Variants in CDK14 observed in about 807,000 individuals in gnomAD.
The protein encoded by CDK14 is cyclin-dependent kinase 14.
In CDK14, 34 loss-of-function variants were observed where a neutral mutation model predicts 60.7. That is an observed-to-expected ratio of 0.56 (90% CI 0.43 to 0.75). The LOEUF (loss-of-function observed/expected upper bound fraction) is 0.75, where lower values mean the gene tolerates loss of function less well. CDK14 is among the 30% of genes least tolerant of loss of function. CDK14 has a pLI of 0.00. For missense variants in CDK14, 482 were observed against 564.1 expected, an observed-to-expected ratio of 0.85 and a Z score of 1.47; for synonymous variants, 197 against 203.7, an observed-to-expected ratio of 0.97 and a Z score of 0.28.
At chr7:91,037,428 C>T (rs745765356) in intron 10 of CDK14, among the ~76,000 whole-genome samples, 29 of 152,096 alleles carry the variant, frequency 1.9e-4, no homozygotes, top group Admixed American at 2.6e-4. Flanking sequence ...TGTGTGCGCG[C>T]GCATGTGTGT....
intron 5 of CDK14, among the ~76,000 whole-genome samples, chr7:90,803,214 T>C (rs1387520563): frequency 6.6e-6 from 1 of 152,052 alleles, no homozygotes; most frequent in Non-Finnish European, 1.5e-5. Flanking sequence ...CCTGGAAGAT[T>C]TCAGTTTGCT....
intron 2 of CDK14, among the ~76,000 whole-genome samples, chr7:90,714,073 A>G (rs1246968853): frequency 1.3e-5 from 2 of 152,090 alleles, no homozygotes; most frequent in East Asian, 1.9e-4. Flanking sequence ...ATCTTGCCCA[A>G]GATCCTTCTG....
At chr7:90,787,925 A>G (rs961299027) in intron 4 of CDK14, among the ~76,000 whole-genome samples, 3 of 152,172 alleles carry the variant, frequency 2.0e-5, no homozygotes, top group Middle Eastern at 3.2e-3. Flanking sequence ...GAAATTACTT[A>G]GGGGGAATCC....
rs7795534 is a variant in CDK14 at position 90,961,885 on chromosome 7, G to T, written c.947+6068G>T. Among the ~76,000 whole-genome samples the T allele has an allele frequency of 9.9e-3, 1,503 of 152,322 alleles. 24 individuals are homozygous for T. The highest frequency in any genetic ancestry group is 0.033 in the African/African-American group (1,380 of 41,556). On this transcript the variant is annotated intron_variant, in intron 9 of 14. Transcript: ENST00000380050. ...GTTAATAATTCTGCCAGGATAATAG[G>T]TGTAAAACAGAGATAATTGTGACAT...
At chr7:90,785,395 T>C (rs759977163) in intron 4 of CDK14, among the ~76,000 whole-genome samples, 39 of 152,240 alleles carry the variant, frequency 2.6e-4, no homozygotes, top group Admixed American at 1.0e-3. Flanking sequence ...GAAGTTCTCT[T>C]TAAGCATCAT....
chr7:91,122,019 G>T (rs1455541856), intron 14 of CDK14, among the ~76,000 whole-genome samples: 1 of 152,102 alleles, frequency 6.6e-6, no homozygotes, highest in Non-Finnish European at 1.5e-5. Context: ...AAATATAAGG[G>T]ATAAGAAAGG....
At chr7:90,796,028 A>T (rs920085500) in intron 5 of CDK14, among the ~76,000 whole-genome samples, 4 of 152,168 alleles carry the variant, frequency 2.6e-5, no homozygotes, top group Non-Finnish European at 5.9e-5. Flanking sequence ...AGCTTCTGGG[A>T]AACACAGAGA....
intron 11 of CDK14, among the ~76,000 whole-genome samples, chr7:91,058,888 G>A (rs182385155): frequency 6.6e-5 from 10 of 152,202 alleles, no homozygotes; most frequent in African/African-American, 1.2e-4. Flanking sequence ...GTCTCTGCCC[G>A]GCTTTGGTAT....
At chr7:90,784,229 G>A (rs982825332) in intron 4 of CDK14, among the ~76,000 whole-genome samples, 1 of 152,146 alleles carries the variant, frequency 6.6e-6, no homozygotes, top group African/African-American at 2.4e-5. Context: ...TTGTTCTCAT[G>A]GAGGTAGAGT....
intron 10 of CDK14, among the ~76,000 whole-genome samples, chr7:91,012,916 A>G (rs528004502): frequency 6.6e-6 from 1 of 152,360 alleles, no homozygotes; most frequent in African/African-American, 2.4e-5. Flanking sequence ...AACGTTAAGT[A>G]GGAAATGTCA....
At chr7:91,058,793 G>A (rs966502789) in intron 11 of CDK14, among the ~76,000 whole-genome samples, 1 of 152,182 alleles carries the variant, frequency 6.6e-6, no homozygotes, top group Non-Finnish European at 1.5e-5. Flanking sequence ...ATGTGCTGCT[G>A]GATTCAGTTT....
chr7:90,714,562 C>G (rs1354493800), intron 2 of CDK14, among the ~76,000 whole-genome samples: 2 of 152,060 alleles, frequency 1.3e-5, no homozygotes, highest in Non-Finnish European at 2.9e-5. Context: ...GTTAAAGCAA[C>G]ATTGAAAGAT....
At chr7:90,841,424 T>G (rs932050928) in intron 5 of CDK14, among the ~76,000 whole-genome samples, 1 of 151,532 alleles carries the variant, frequency 6.6e-6, no homozygotes, top group East Asian at 1.9e-4. Flanking sequence ...AACTTTCTGC[T>G]TACTTTTTTT....
At chr7:90,773,967 G>A (rs1311460368) in intron 4 of CDK14, among the ~76,000 whole-genome samples, 1 of 138,734 alleles carries the variant, frequency 7.2e-6, no homozygotes, top group East Asian at 2.3e-4. Context: ...GCAGTTGTGC[G>A]ATCCCAGCTC....
intron 6 of CDK14, among the ~76,000 whole-genome samples, chr7:90,889,077 C>G (rs1202473874): frequency 6.6e-6 from 1 of 152,156 alleles, no homozygotes; most frequent in Admixed American, 6.5e-5. Context: ...CATCCCAAAA[C>G]TATACACTGA....
At chr7:90,894,468 T>A (rs899916371) in intron 6 of CDK14, among the ~76,000 whole-genome samples, 4 of 152,230 alleles carry the variant, frequency 2.6e-5, no homozygotes, top group Non-Finnish European at 5.9e-5. Context: ...TTTAAAGGTT[T>A]AGGAAAGTCT....
intron 2 of CDK14, among the ~76,000 whole-genome samples, chr7:90,643,634 G>A (rs999273184): frequency 6.6e-6 from 1 of 152,044 alleles, no homozygotes; most frequent in African/African-American, 2.4e-5. Context: ...TTTCTGTGTC[G>A]AACCGCTTTA....
At chr7:90,609,310 C>T (rs1799487050) in intron 2 of CDK14, among the ~76,000 whole-genome samples, 1 of 152,138 alleles carries the variant, frequency 6.6e-6, no homozygotes, top group Non-Finnish European at 1.5e-5. Flanking sequence ...CAGGTGTGAG[C>T]CATCACATAC....
At chr7:90,974,064 C>A (rs936878286) in intron 9 of CDK14, among the ~76,000 whole-genome samples, 10 of 152,116 alleles carry the variant, frequency 6.6e-5, no homozygotes, top group African/African-American at 1.9e-4. Flanking sequence ...GACCTCCCCC[C>A]AGGAATGCAT....
Sources: allele counts gnomAD v4.1 joint callset (sites outside exome capture counted in the v4.1 genomes callset), GRCh38; gene constraint gnomAD v4.1.1; transcripts MANE v1.5; gene names NCBI Gene and HGNC (gene_info 2026-07-23, HGNC 2026-07-21).